The following ALG12 variants were observed in gnomAD, a reference collection of about 807,000 sequenced individuals.
ALG12 encodes ALG12 alpha-1,6-mannosyltransferase.
ALG12 carries 36 observed loss-of-function variants against 46.0 expected under a neutral mutation model. The observed-to-expected ratio is 0.78, with a 90% CI of 0.60 to 1.03. ALG12 has a LOEUF of 1.03. Among genes scored for constraint, ALG12 ranks in the 50% least tolerant of loss-of-function variants. The pLI is 0.00. For synonymous variants in ALG12, 326 were observed against 291.6 expected (o/e 1.12, Z -1.20); for missense variants, 599 against 633.5 (o/e 0.95, Z 0.58).
the ALG12 span, among the ~76,000 whole-genome samples, chr22:49,872,873 A>G: frequency 6.6e-6 from 1 of 151,778 alleles, no homozygotes; most frequent in Non-Finnish European, 1.5e-5. Flanking sequence ...ATTTTTTTGT[A>G]TTTTTAGTAG....
At position 49,904,376 on chromosome 22, in the gene ALG12, C is replaced by T. The variant is rs1221019528; in HGVS notation, c.1123G>A (p.Ala375Thr). The change falls in exon 8 of 10, where the codon GCA becomes ACA. Residue 375 changes from alanine to threonine, a missense_variant. Physicochemically the swap from Ala to Thr is moderately conservative, Grantham distance 58. Transcript: ENST00000330817. The part of the protein sequence containing the change: ...VSHFNYPGGV[A>T]MQRLHQLVPP... Reference sequence around the variant, plus strand: ...ACCAGCTGGTGCAGCCTCTGCATTGCGACGCCACCTGGGTAGTTGAAATGG... The same window carrying T: ...ACCAGCTGGTGCAGCCTCTGCATTGTGACGCCACCTGGGTAGTTGAAATGG... The T allele has an allele frequency of 4.3e-6, 7 of 1,614,198 alleles. No individual in the cohort carries two copies. Among genetic ancestry groups the T allele is most frequent in the South Asian group, 1.1e-5 (1 of 91,082 alleles).
rs1179437414 is a variant in ALG12, at chr22:49,902,133, CTGTG to C, written c.*1701_*1704del. The stretch of plus-strand genomic sequence containing the variant: ...ATGCATGGTAATGTGCACGTGTGCA[CTGTG>C]TGTGGTGTGTATGCATGGTGTGTGC... On this transcript the variant is annotated 3_prime_UTR_variant, in exon 10 of 10. Coordinates refer to ENST00000330817, the MANE Select transcript of ALG12 (RefSeq NM_024105.4). The C allele has an allele frequency of 9.8e-5, 12 of 122,610 alleles. No homozygotes were observed. The highest frequency in any genetic ancestry group is 4.0e-4 in the African/African-American group (11 of 27,428). The allele number at this position is 122,610 out of a possible 1,614,324, so 7.6% of individuals were successfully genotyped here. A position where few individuals can be genotyped will look rare whatever the true frequency, so the allele number is the denominator to read the frequency against.
downstream of ALG12, among the ~76,000 whole-genome samples, chr22:49,898,077 C>G (rs187430130): frequency 8.6e-5 from 13 of 151,450 alleles, no homozygotes; most frequent in South Asian, 2.7e-3. Flanking sequence ...ACTCTGTTGC[C>G]CAGCCTTGAC....
At chr22:49,863,966 C>G in the ALG12 span, among the ~76,000 whole-genome samples, 5 of 152,208 alleles carry the variant, frequency 3.3e-5, no homozygotes, top group African/African-American at 1.2e-4. Flanking sequence ...CCTGAACTCT[C>G]TCAGAGGTTT....
the ALG12 span, among the ~76,000 whole-genome samples, chr22:49,874,894 G>C: frequency 6.6e-6 from 1 of 151,766 alleles, no homozygotes; most frequent in Admixed American, 6.6e-5. Context: ...TGTTGGCCAG[G>C]CTGGTCTTGA....
chr22:49,899,550 C>T (rs538620945), downstream of ALG12, among the ~76,000 whole-genome samples: 9 of 151,928 alleles, frequency 5.9e-5, no homozygotes, highest in South Asian at 1.2e-3. Flanking sequence ...TAAAAAGGCT[C>T]GGCTCTGTGG....
chr22:49,905,412 A>G lies in ALG12; in HGVS notation c.993-906T>C, dbSNP rs1436283613. ...GCGTCCCCACCAAATCTCATGTCCA[A>G]CTGTGATCCCCAATGCTGGAGGTGG... On this transcript the variant is annotated intron_variant, in intron 7 of 9. Transcript: ENST00000330817. This position sits in a 1 kb window ranked among gnomAD's most constrained non-coding sequence, Gnocchi z 4.9. 6.6e-6 allele frequency among the ~76,000 whole-genome samples: 1 copy of G among 152,108 alleles called. No individual in the cohort carries two copies. Among genetic ancestry groups the G allele is most frequent in the South Asian group, 2.1e-4 (1 of 4,820 alleles).
chr22:49,901,824 T>TGTGTGTG lies in ALG12; in HGVS notation c.*2013_*2014insCACACAC, dbSNP rs2060509184. ...ATGCATGGTGTGTGCACGTGTGCACTGTGTGTATGCATGGTGTGTGCACGT... is the reference window on the plus strand; with the variant it reads ...ATGCATGGTGTGTGCACGTGTGCACTGTGTGTGGTGTGTATGCATGGTGTGTGCACGT... On this transcript the variant is annotated 3_prime_UTR_variant, in exon 10 of 10. Transcript: ENST00000330817. 1 of 126,366 alleles carries TGTGTGTG rather than the reference T, an allele frequency of 7.9e-6. No homozygotes were observed. Among genetic ancestry groups the TGTGTGTG allele is most frequent in the Non-Finnish European group, 1.6e-5 (1 of 61,678 alleles). 7.8% of individuals were successfully genotyped at this position (126,366 alleles called of 1,614,324 possible).
downstream of ALG12, among the ~76,000 whole-genome samples, chr22:49,896,174 G>A (rs2060482728): frequency 1.3e-5 from 2 of 152,334 alleles, no homozygotes; most frequent in Middle Eastern, 3.4e-3. Context: ...AAATATGCAC[G>A]TGTCTCTTGC....
chr22:49,899,467 G>A (rs1389292022), downstream of ALG12, among the ~76,000 whole-genome samples: 2 of 148,266 alleles, frequency 1.3e-5, no homozygotes, highest in East Asian at 2.0e-4. Flanking sequence ...GACAAAGTGA[G>A]ACTCCATCTC....
downstream of ALG12, among the ~76,000 whole-genome samples, chr22:49,895,923 T>G (rs1190908562): frequency 6.6e-6 from 1 of 152,344 alleles, no homozygotes; most frequent in African/African-American, 2.4e-5. Flanking sequence ...TCAGTCCACT[T>G]GGCAGTCTTG....
chr22:49,910,634 A>G, intron 3 of ALG12, 27 bp from the exon 4 acceptor site: 1 of 1,613,898 alleles, frequency 6.2e-7, no homozygotes. Context: ...ACAGCACCTG[A>G]GCCTGCAGTG....
the ALG12 span, among the ~76,000 whole-genome samples, chr22:49,876,560 G>T: frequency 6.6e-6 from 1 of 151,744 alleles, no homozygotes; most frequent in Non-Finnish European, 1.5e-5. Context: ...ATCTTTACCC[G>T]GTATTAATGT....
intron 3 of ALG12, among the ~76,000 whole-genome samples, chr22:49,910,887 C>T (rs1020940056): frequency 1.6e-4 from 25 of 152,128 alleles, no homozygotes; most frequent in Non-Finnish European, 7.4e-5. Context: ...GGGGGTGCCA[C>T]GAGCTGAGCC....
At position 49,901,861 on chromosome 22, in the gene ALG12, GT is replaced by G. The variant is rs1196417915; in HGVS notation, c.*1976del. ...TGGTGTGTGCACGTGTGCACTGTGT[GT>G]GGTGTGTATTCATGGTGTGTGCACG... On this transcript the variant is annotated 3_prime_UTR_variant, in exon 10 of 10. Coordinates refer to ENST00000330817, the MANE Select transcript of ALG12 (RefSeq NM_024105.4). 2.8e-5 allele frequency: 4 copies of G among 143,668 alleles called. No homozygotes were observed. Among genetic ancestry groups the G allele is most frequent in the Non-Finnish European group, 6.0e-5 (4 of 66,422 alleles). The allele number at this position is 143,668 out of a possible 1,614,324, so 8.9% of individuals were successfully genotyped here.
Position 49,910,577 on chromosome 22 carries a change from A to C in ALG12, c.326T>G (p.Phe109Cys). 1 of 1,614,162 alleles carries C rather than the reference A, an allele frequency of 6.2e-7. No homozygotes were observed. The highest frequency in any genetic ancestry group is 8.5e-7 in the Non-Finnish European group (1 of 1,180,042). ...VRGVLGLGVI[F>C]GLWTLQKEVR... is the part of the protein sequence containing the mutation. ...TTCCTTTTGTAACGTCCAGAGTCCA[A>C]AAATCACGCCGAGTCCAAGCACTCC... is the stretch of plus-strand genomic sequence containing the variant. Residue 109 changes from phenylalanine to cysteine, a missense_variant, in exon 4 of 10, where the codon TTT (phenylalanine) becomes TGT (cysteine). Physicochemically the swap from Phe to Cys is radical, Grantham distance 205. Coordinates refer to ENST00000330817, the MANE Select transcript of ALG12 (RefSeq NM_024105.4).
the ALG12 span, among the ~76,000 whole-genome samples, chr22:49,872,757 T>G: frequency 6.6e-6 from 1 of 150,856 alleles, no homozygotes; most frequent in African/African-American, 2.4e-5. Context: ...CAGGCTGGAG[T>G]GCAGTGACGT....
intron 1 of ALG12, 97 bp downstream of exon 1, chr22:49,918,166 A>T (rs1322492861): frequency 6.6e-6 from 1 of 152,368 alleles, no homozygotes; most frequent in African/African-American, 2.4e-5. Flanking sequence ...TCAGGAATCC[A>T]GCGCCAGCGC....
At position 49,903,629 on chromosome 22, in the gene ALG12, G is replaced by A. The variant is rs757403591; in HGVS notation, c.*209C>T. ...GCAGTGGCTCCCGGGGTGCCAACAA[G>A]ACCTGGGCCCCTCGTTCTTTGGTGC... On this transcript the variant is annotated 3_prime_UTR_variant, in exon 10 of 10. Transcript: ENST00000330817. 19 of 716,532 alleles carry A rather than the reference G, an allele frequency of 2.7e-5. No individual in the cohort carries two copies. Among genetic ancestry groups the A allele is most frequent in the African/African-American group, 5.2e-5 (3 of 57,466 alleles). 44.4% of individuals were successfully genotyped at this position (716,532 alleles called of 1,614,324 possible). A position where few individuals can be genotyped will look rare whatever the true frequency, so the allele number is the denominator to read the frequency against.
Sources: gnomAD v4.1 joint callset for allele counts (sites outside exome capture counted in the v4.1 genomes callset) on GRCh38, gnomAD v4.1.1 for gene constraint, Gnocchi (gnomAD v3.1) non-coding constraint, MANE v1.5 for transcripts, NCBI Gene and HGNC (gene_info 2026-07-23, HGNC 2026-07-21) for gene names.